ANGEL2: variants seen among roughly 807,000 people sequenced by gnomAD.
ANGEL2 encodes the protein angel homolog 2.
In ANGEL2, 41 loss-of-function variants were observed where a neutral mutation model predicts 66.0. The observed-to-expected ratio is 0.62, with a 90% CI of 0.48 to 0.81. ANGEL2 has a LOEUF of 0.81. ANGEL2 is among the 30% of genes least tolerant of loss of function. The pLI is 0.00. For synonymous variants in ANGEL2, 208 were observed against 226.5 expected (o/e 0.92, Z 0.73); for missense variants, 561 against 641.6 (o/e 0.87, Z 1.36).
Position 213,005,125 on chromosome 1 carries a change from TAAC to T in ANGEL2, c.1039_1041del (p.Val347del). 3.7e-6 allele frequency: 6 copies of T among 1,614,102 alleles called. No individual in the cohort carries two copies. The highest frequency in any genetic ancestry group is 5.1e-6 in the Non-Finnish European group (6 of 1,180,002). The stretch of plus-strand genomic sequence containing the variant: ...GGAACAGAATTAAAGTCACCACACA[TAAC>T]AATAGGGCAGAAGCTGCCATCTTTC... On this transcript the variant is annotated inframe_deletion, in exon 5 of 9. Transcript: ENST00000366962.
At position 213,013,424 on chromosome 1, in the gene ANGEL2, A is replaced by G. The variant is rs1163058078; in HGVS notation, c.60-6T>C. ...GATGGGGAAACATGGGGTATCTAAA[A>G]GAAATAAATACACTCCTTGAGGCAC... On this transcript the variant is annotated splice_polypyrimidine_tract_variant and splice_region_variant and intron_variant, in intron 1 of 8. Coordinates refer to ENST00000366962, the MANE Select transcript of ANGEL2 (RefSeq NM_144567.5). The G allele has an allele frequency of 6.2e-7, 1 of 1,607,532 alleles. No homozygotes were observed. Among genetic ancestry groups the G allele is most frequent in the East Asian group, 2.2e-5 (1 of 44,850 alleles).
In ANGEL2 at chr1:212,995,196, C is replaced by A; in HGVS notation, c.1484-4G>T. ...CCAACCAAAGCAACTTCAGCTCCTA[C>A]ATTAAAGAAGCACACACATATTTAG... On this transcript the variant is annotated splice_polypyrimidine_tract_variant and splice_region_variant and intron_variant, in intron 8 of 8. Coordinates refer to ENST00000366962, the MANE Select transcript of ANGEL2 (RefSeq NM_144567.5). 1 of 1,596,874 alleles carries A rather than the reference C, an allele frequency of 6.3e-7. No individual in the cohort carries two copies. The highest frequency in any genetic ancestry group is 8.5e-7 in the Non-Finnish European group (1 of 1,172,224).
Position 213,008,307 on chromosome 1 carries a change from T to A in ANGEL2, c.545A>T (p.Asp182Val). 6.2e-7 allele frequency: 1 copy of A among 1,614,176 alleles called. No homozygotes were observed. Among genetic ancestry groups the A allele is most frequent in the Non-Finnish European group, 8.5e-7 (1 of 1,179,998 alleles). Residue 182 changes from aspartate (D) to valine (V), a missense_variant, in exon 3 of 9, where the codon GAT becomes GTT. Physicochemically the swap from Asp to Val is radical, Grantham distance 152. Transcript: ENST00000366962. ...GCAATGTCTATAAAGGTGAGAGTTATCTTCCAGTAAATCTTGTGAAAGTAT... is the reference window on the plus strand; with the variant it reads ...GCAATGTCTATAAAGGTGAGAGTTAACTTCCAGTAAATCTTGTGAAAGTAT... ...YNILSQDLLEDNSHLYRHCRR... is the reference protein window; with the variant it reads ...YNILSQDLLEVNSHLYRHCRR...
chr1:212,996,246 G>C (rs914495177), intron 8 of ANGEL2, among the ~76,000 whole-genome samples: 1 of 152,176 alleles, frequency 6.6e-6, no homozygotes, highest in East Asian at 1.9e-4. Flanking sequence ...GGCGGAGCTT[G>C]CAGTGAGCTG....
intron 2 of ANGEL2, among the ~76,000 whole-genome samples, chr1:213,011,790 C>G (rs2076516331): frequency 6.6e-6 from 1 of 152,098 alleles, no homozygotes; most frequent in Non-Finnish European, 1.5e-5. Flanking sequence ...TGAAAGCATC[C>G]CAGATTTCTA....
intron 8 of ANGEL2, 50 bp from the exon 9 acceptor site, chr1:212,995,242 T>C (rs2075964452): frequency 1.3e-6 from 2 of 1,519,364 alleles, no homozygotes; most frequent in Non-Finnish European, 1.8e-6. Context: ...AACGGGTTAT[T>C]GTAAATTAAT....
At position 213,015,594 on chromosome 1, in the gene ANGEL2, A is replaced by G; in HGVS notation, c.59+19T>C. The G allele has an allele frequency of 2.2e-6, 3 of 1,365,306 alleles. No homozygotes were observed. Among genetic ancestry groups the G allele is most frequent in the Non-Finnish European group, 2.9e-6 (3 of 1,029,860 alleles). The allele number at this position is 1,365,306 out of a possible 1,614,324, so 84.6% of individuals were successfully genotyped here. Reference sequence around the variant, plus strand: ...CGCCCGCCCCTCTCTCCTCCCTCCGAGTACCCAGCCCTACTGACCGGCCTC... The same window carrying G: ...CGCCCGCCCCTCTCTCCTCCCTCCGGGTACCCAGCCCTACTGACCGGCCTC... On this transcript the variant is annotated intron_variant, in intron 1 of 8. Transcript: ENST00000366962.
chr1:213,000,688 T>C (rs2076153351), intron 6 of ANGEL2, 98 bp downstream of exon 6: 13 of 1,311,346 alleles, frequency 9.9e-6, no homozygotes, highest in South Asian at 8.3e-5. Context: ...ATATGAATAT[T>C]CATCCCTGAG....
chr1:213,015,757 G>C lies in ANGEL2; in HGVS notation c.-86C>G. 6.3e-7 allele frequency: 1 copy of C among 1,582,332 alleles called. No individual in the cohort carries two copies. Among genetic ancestry groups the C allele is most frequent in the Non-Finnish European group, 8.7e-7 (1 of 1,153,818 alleles). ...GATGCGACGGCCTAAAGTATCTAGG[G>C]AACCCCATCACTCTTAAGTACCGAC... On this transcript the variant is annotated 5_prime_UTR_variant, in exon 1 of 9. Transcript: ENST00000366962.
intron 8 of ANGEL2, among the ~76,000 whole-genome samples, chr1:212,996,640 A>AAAAT (rs56102625): frequency 1.5e-4 from 10 of 66,474 alleles, no homozygotes; most frequent in African/African-American, 6.9e-4. Context: ...AAAAAAAAAA[A>AAAAT]ATATATATAT....
chr1:212,992,599 C>G lies in ANGEL2; in HGVS notation c.*2442G>C, dbSNP rs2075885991. The G allele has an allele frequency of 6.6e-6, 1 of 152,176 alleles. No homozygotes were observed. 9.4% of individuals were successfully genotyped at this position (152,176 alleles called of 1,614,324 possible). A position where few individuals can be genotyped will look rare whatever the true frequency, so the allele number is the denominator to read the frequency against. ...GAGCTTTAAAAACCTGTGAGAAGCT[C>G]ACATTGACTTTTTGGCCTCCAGTCC... On this transcript the variant is annotated 3_prime_UTR_variant, in exon 9 of 9. Coordinates refer to ENST00000366962, the MANE Select transcript of ANGEL2 (RefSeq NM_144567.5).
chr1:212,994,127 C>CAA lies in ANGEL2; in HGVS notation c.*912_*913dup, dbSNP rs1167480378. 6.6e-6 allele frequency: 1 copy of CAA among 151,942 alleles called. No homozygotes were observed. The highest frequency in any genetic ancestry group is 1.5e-5 in the Non-Finnish European group (1 of 67,986). The allele number at this position is 151,942 out of a possible 1,614,324, so 9.4% of individuals were successfully genotyped here. ...GGAAACCCTGTCTCTACTGAAAATACAAAATTAGCTGGGAGTGGTGACGCA... is the reference window on the plus strand; with the variant it reads ...GGAAACCCTGTCTCTACTGAAAATACAAAAAATTAGCTGGGAGTGGTGACGCA... On this transcript the variant is annotated 3_prime_UTR_variant, in exon 9 of 9. Transcript: ENST00000366962.
intron 1 of ANGEL2, 172 bp downstream of exon 1, chr1:213,015,441 A>T (rs924695972): frequency 2.1e-5 from 30 of 1,425,280 alleles, no homozygotes; most frequent in Non-Finnish European, 3.7e-6. Flanking sequence ...GGGTTTACCT[A>T]TCCCGCTTGG....
rs774614113 is a variant in ANGEL2 at position 213,006,961 on chromosome 1, G to A, written c.712+168C>T. Reference sequence around the variant, plus strand: ...ATTAAATAATTGGCCGGGCATGGTGGCACACATCTCTAGTCCCAGCTACTC... The same window carrying A: ...ATTAAATAATTGGCCGGGCATGGTGACACACATCTCTAGTCCCAGCTACTC... On this transcript the variant is annotated intron_variant, in intron 4 of 8. Coordinates refer to ENST00000366962, the MANE Select transcript of ANGEL2 (RefSeq NM_144567.5). The A allele has an allele frequency of 2.5e-5, 13 of 514,882 alleles. No homozygotes were observed. The South Asian group carries it at 4.3e-4, about 17-fold the overall frequency. 31.9% of individuals were successfully genotyped at this position (514,882 alleles called of 1,614,324 possible). A position where few individuals can be genotyped will look rare whatever the true frequency, so the allele number is the denominator to read the frequency against.
intron 8 of ANGEL2, among the ~76,000 whole-genome samples, chr1:212,995,657 A>G (rs549041805): frequency 1.5e-4 from 23 of 152,358 alleles, no homozygotes; most frequent in African/African-American, 5.5e-4. Flanking sequence ...ATGCTGATCC[A>G]TAACACTCTC....
Position 212,993,742 on chromosome 1 carries a change from A to G in ANGEL2, c.*1299T>C, listed in dbSNP as rs566011001. Reference sequence around the variant, plus strand: ...CATACTGGTGCATCACGGTAAAAGAAAACATTTTAGAAACAAAACCACTAA... The same window carrying G: ...CATACTGGTGCATCACGGTAAAAGAGAACATTTTAGAAACAAAACCACTAA... On this transcript the variant is annotated 3_prime_UTR_variant, in exon 9 of 9. Coordinates refer to ENST00000366962, the MANE Select transcript of ANGEL2 (RefSeq NM_144567.5). The G allele has an allele frequency of 6.6e-6, 1 of 152,258 alleles. No individual in the cohort carries two copies. Among genetic ancestry groups the G allele is most frequent in the African/African-American group, 2.4e-5 (1 of 41,466 alleles). The allele number at this position is 152,258 out of a possible 1,614,324, so 9.4% of individuals were successfully genotyped here.
intron 2 of ANGEL2, chr1:213,011,252 A>G (rs2076501084): frequency 7.8e-7 from 1 of 1,289,074 alleles, no homozygotes. Flanking sequence ...GAGAAGACAG[A>G]TGAATCAAAG....
At position 213,000,337 on chromosome 1, in the gene ANGEL2, C is replaced by T; in HGVS notation, c.1308G>A (p.Val436=). The part of the protein sequence containing the change: ...QTQLKQTEVL[V]TAEKLSSNLQ... Reference sequence around the variant, plus strand: ...TTTCCAGAACTCACTTTTCAGCTGTCACTAGGACCTCTGTTTGCTTCAGCT... The same window carrying T: ...TTTCCAGAACTCACTTTTCAGCTGTTACTAGGACCTCTGTTTGCTTCAGCT... The change falls in exon 7 of 9, where the codon GTG becomes GTA. Residue 436 remains valine (V), a synonymous_variant. Transcript: ENST00000366962. 4 of 1,613,804 alleles carry T rather than the reference C, an allele frequency of 2.5e-6. No homozygotes were observed. The highest frequency in any genetic ancestry group is 3.4e-6 in the Non-Finnish European group (4 of 1,179,702).
chr1:213,013,036 T>C (rs1392659359), intron 2 of ANGEL2, 57 bp downstream of exon 2: 5 of 1,530,034 alleles, frequency 3.3e-6, no homozygotes, highest in East Asian at 2.3e-5. Context: ...ATATGAAAGT[T>C]TCAATTTAGT....
Sources: allele counts gnomAD v4.1 joint callset (sites outside exome capture counted in the v4.1 genomes callset), GRCh38; gene constraint gnomAD v4.1.1; transcripts MANE v1.5; gene names NCBI Gene and HGNC (gene_info 2026-07-23, HGNC 2026-07-21).